CEMIP: variants seen among roughly 807,000 people sequenced by gnomAD.
CEMIP encodes the protein cell migration-inducing and hyaluronan-binding protein.
In CEMIP, 105 loss-of-function variants were observed where a neutral mutation model predicts 156.9. The observed-to-expected ratio is 0.67, with a 90% CI of 0.57 to 0.79. The LOEUF (loss-of-function observed/expected upper bound fraction) is 0.79, where lower values mean the gene tolerates loss of function less well. Ranked by LOEUF, CEMIP falls within the 30% of genes least tolerant of loss-of-function variation. The pLI, the probability that CEMIP is intolerant of heterozygous loss-of-function variation, is 0.00. For synonymous variants in CEMIP, 676 were observed against 668.4 expected (o/e 1.01, Z -0.17); for missense variants, 1,457 against 1,769.4 (o/e 0.82, Z 3.17).
chr15:80,818,958 C>T (rs10152526), intron 1 of CEMIP, among the ~76,000 whole-genome samples: 33,333 of 152,074 alleles, frequency 0.22, 3,920 homozygotes, highest in East Asian at 0.38. Context: ...CTCTTCCCAG[C>T]GTGCATTACA....
intron 1 of CEMIP, among the ~76,000 whole-genome samples, chr15:80,866,333 T>C (rs1230596286): frequency 1.3e-5 from 2 of 152,206 alleles, no homozygotes; most frequent in Non-Finnish European, 2.9e-5. Flanking sequence ...CTCAAGCCTG[T>C]AATCCCAGCA....
chr15:80,926,320 G>T (rs1337262103), intron 19 of CEMIP, among the ~76,000 whole-genome samples: 1 of 152,238 alleles, frequency 6.6e-6, no homozygotes. Flanking sequence ...CTATGTGAGT[G>T]ACTGGCACAT....
intron 10 of CEMIP, among the ~76,000 whole-genome samples, chr15:80,891,206 C>T (rs1010624706): frequency 6.6e-6 from 1 of 152,196 alleles, no homozygotes; most frequent in Non-Finnish European, 1.5e-5. Context: ...GTTTGCTCTG[C>T]CAGTTTTCTG....
intron 1 of CEMIP, among the ~76,000 whole-genome samples, chr15:80,816,788 C>A (rs1468090291): frequency 2.0e-5 from 3 of 152,004 alleles, no homozygotes; most frequent in Non-Finnish European, 4.4e-5. Flanking sequence ...GTCCTTGTAC[C>A]TGCACAGCTC....
At chr15:80,833,100 T>C (rs1249852919) in intron 1 of CEMIP, among the ~76,000 whole-genome samples, 1 of 152,210 alleles carries the variant, frequency 6.6e-6, no homozygotes. Context: ...TAGAAGTCAG[T>C]CATTAAAGTT....
At chr15:80,809,334 AAAAGAATGTTT>A (rs1896599411) in intron 1 of CEMIP, among the ~76,000 whole-genome samples, 1 of 152,346 alleles carries the variant, frequency 6.6e-6, no homozygotes, top group African/African-American at 2.4e-5. Flanking sequence ...AAAATCTTGC[AAAAGAATGTTT>A]ATTTATATGG....
chr15:80,852,809 G>A (rs1312723167), intron 1 of CEMIP, among the ~76,000 whole-genome samples: 3 of 152,160 alleles, frequency 2.0e-5, no homozygotes, highest in Non-Finnish European at 4.4e-5. Context: ...AGCGTTAAGT[G>A]TCTGGAAGGC....
chr15:80,895,980 C>G lies in CEMIP; in HGVS notation c.1331C>G (p.Thr444Ser). 6.2e-7 allele frequency: 1 copy of G among 1,614,198 alleles called. No individual in the cohort carries two copies. The highest frequency in any genetic ancestry group is 2.2e-5 in the East Asian group (1 of 44,882). ...KPGDTLVIAS[T>S]DYSMYQAEEF... ...GGAGATACCCTGGTCATTGCCAGTA[C>G]TGATTACTCCATGTACCAGGCAGAA... Residue 444 changes from threonine (T) to serine (S), a missense_variant, in exon 12 of 30, where the codon ACT becomes AGT. Physicochemically the swap from Thr to Ser is moderately conservative, Grantham distance 58. This residue lies in a region of CEMIP where 280 missense variants were observed against 300.3 expected (regional missense o/e 0.93). Coordinates refer to ENST00000394685, the MANE Select transcript of CEMIP (RefSeq NM_001293298.2).
chr15:80,809,677 G>A (rs1363249093), intron 1 of CEMIP, among the ~76,000 whole-genome samples: 5 of 152,190 alleles, frequency 3.3e-5, no homozygotes. Flanking sequence ...CTTGTCTAGA[G>A]GCTATGGGGG....
At chr15:80,884,695 T>C (rs1230573049) in intron 7 of CEMIP, among the ~76,000 whole-genome samples, 1 of 152,238 alleles carries the variant, frequency 6.6e-6, no homozygotes, top group African/African-American at 2.4e-5. Context: ...ATTTTCTCTT[T>C]CTTTGGTAAA....
intron 22 of CEMIP, 137 bp from the exon 23 acceptor site, chr15:80,933,106 TTC>T (rs1900986816): frequency 1.3e-6 from 1 of 748,724 alleles, no homozygotes. Context: ...GCCACGTGGT[TTC>T]TCTCAGTGCC....
At chr15:80,927,111 G>C (rs953763228) in intron 19 of CEMIP, among the ~76,000 whole-genome samples, 1 of 152,238 alleles carries the variant, frequency 6.6e-6, no homozygotes, top group Non-Finnish European at 1.5e-5. Context: ...TTACAGGCGT[G>C]AGCCACTGTG....
chr15:80,943,172 T>A, intron 28 of CEMIP, 70 bp downstream of exon 28: 1 of 1,510,298 alleles, frequency 6.6e-7, no homozygotes, highest in Non-Finnish European at 9.2e-7. Flanking sequence ...GCCCCCTCCC[T>A]CTCACAAAGG....
chr15:80,948,077 T>C (rs1347583153), intron 29 of CEMIP: 3 of 153,406 alleles, frequency 2.0e-5, no homozygotes, highest in African/African-American at 7.2e-5. Flanking sequence ...TGAAATCATT[T>C]TGGAGCCTCT....
At chr15:80,829,823 G>A (rs1027096482) in intron 1 of CEMIP, among the ~76,000 whole-genome samples, 1 of 152,110 alleles carries the variant, frequency 6.6e-6, no homozygotes, top group Non-Finnish European at 1.5e-5. Flanking sequence ...GTTTTTATGG[G>A]GAGTATAGGA....
intron 1 of CEMIP, among the ~76,000 whole-genome samples, chr15:80,833,630 A>T (rs963387627): frequency 4.7e-5 from 7 of 149,956 alleles, no homozygotes; most frequent in African/African-American, 1.7e-4. Context: ...CCTCCTCATC[A>T]TCATCATTTG....
At chr15:80,895,811 C>A in intron 11 of CEMIP, 58 bp from the exon 12 acceptor site, 1 of 1,561,814 alleles carries the variant, frequency 6.4e-7, no homozygotes, top group Non-Finnish European at 8.8e-7. Context: ...AAAGAGGTAG[C>A]CAAAAGTTTG....
intron 1 of CEMIP, among the ~76,000 whole-genome samples, chr15:80,810,791 G>A (rs1272373766): frequency 6.9e-6 from 1 of 144,012 alleles, no homozygotes; most frequent in Admixed American, 7.2e-5. Context: ...ATCTATCCAT[G>A]TTATCCATTC....
chr15:80,887,134 T>G (rs1406946546), intron 7 of CEMIP, among the ~76,000 whole-genome samples: 1 of 152,124 alleles, frequency 6.6e-6, no homozygotes, highest in African/African-American at 2.4e-5. Flanking sequence ...GAATGATGGA[T>G]GTACAATTTT....
Sources: gnomAD v4.1 joint callset for allele counts (sites outside exome capture counted in the v4.1 genomes callset) on GRCh38, gnomAD v4.1.1 for gene constraint, gnomAD v4.1.1 regional missense constraint, MANE v1.5 for transcripts, NCBI Gene and HGNC (gene_info 2026-07-23, HGNC 2026-07-21) for gene names.